Variants in PDE7A observed in about 807,000 individuals in gnomAD.
The protein encoded by PDE7A is high affinity 3',5'-cyclic-AMP phosphodiesterase 7A.
PDE7A carries 39 observed loss-of-function variants against 64.3 expected under a neutral mutation model. The observed-to-expected ratio is 0.61, with a 90% CI of 0.47 to 0.79. The LOEUF is 0.79. Among genes scored for constraint, PDE7A ranks in the 30% least tolerant of loss-of-function variants. The probability of loss-of-function intolerance (pLI) is 0.00; values close to 1 mark genes in which losing one functional copy is unlikely to be tolerated. For missense variants in PDE7A, 470 were observed against 582.8 expected (o/e 0.81, Z 1.99); for synonymous variants, 203 against 206.8 (o/e 0.98, Z 0.16).
chr8:65,783,147 G>C (rs1286765444), intron 1 of PDE7A, among the ~76,000 whole-genome samples: 1 of 152,178 alleles, frequency 6.6e-6, no homozygotes, highest in Non-Finnish European at 1.5e-5. Context: ...TGACATCTGT[G>C]TTGACTCAAA....
At chr8:65,801,613 A>G (rs935966880) in intron 1 of PDE7A, among the ~76,000 whole-genome samples, 1 of 151,972 alleles carries the variant, frequency 6.6e-6, no homozygotes, top group Non-Finnish European at 1.5e-5. Context: ...TAAAAAAAAA[A>G]CAGCTTGAAT....
chr8:65,787,638 T>C (rs1809596120), intron 1 of PDE7A, among the ~76,000 whole-genome samples: 1 of 152,146 alleles, frequency 6.6e-6, no homozygotes, highest in African/African-American at 2.4e-5. Context: ...ATTTAATTTT[T>C]TGGTGGCAAT....
At chr8:65,819,255 G>C (rs1210666374) in intron 1 of PDE7A, among the ~76,000 whole-genome samples, 1 of 152,138 alleles carries the variant, frequency 6.6e-6, no homozygotes, top group Non-Finnish European at 1.5e-5. Flanking sequence ...TAAGTTAGCT[G>C]GGTGTGGTGG....
chr8:65,759,316 T>G (rs75770786), intron 3 of PDE7A, among the ~76,000 whole-genome samples: 5,577 of 152,284 alleles, frequency 0.037, 159 homozygotes, highest in African/African-American at 0.073. Flanking sequence ...CAGATGCCAC[T>G]GGGGGAAACC....
intron 1 of PDE7A, among the ~76,000 whole-genome samples, chr8:65,831,476 C>G (rs1810819763): frequency 6.6e-6 from 1 of 152,156 alleles, no homozygotes; most frequent in Admixed American, 6.5e-5. Flanking sequence ...AACTTTCTCT[C>G]TTCCTTCCAC....
chr8:65,824,136 C>G (rs1435084113), intron 1 of PDE7A, among the ~76,000 whole-genome samples: 1 of 152,194 alleles, frequency 6.6e-6, no homozygotes, highest in African/African-American at 2.4e-5. Context: ...ATTTTCCCAA[C>G]TGCATCTGCT....
chr8:65,745,567 T>C (rs1447101071), intron 4 of PDE7A, 97 bp from the exon 5 acceptor site: 7 of 674,496 alleles, frequency 1.0e-5, no homozygotes, highest in Admixed American at 5.7e-5. Context: ...TGTAAAGTGA[T>C]TGATTTACTT....
intron 3 of PDE7A, among the ~76,000 whole-genome samples, chr8:65,770,117 A>G (rs1187983654): frequency 3.0e-5 from 4 of 133,042 alleles, no homozygotes; most frequent in Non-Finnish European, 1.6e-5. Context: ...CTTGCAGTAT[A>G]CTTCTGTGTG....
At chr8:65,737,413 G>A (rs1807187080) in intron 6 of PDE7A, among the ~76,000 whole-genome samples, 1 of 152,094 alleles carries the variant, frequency 6.6e-6, no homozygotes, top group Non-Finnish European at 1.5e-5. Context: ...TTATAAACTT[G>A]AGAATTTACT....
intron 1 of PDE7A, among the ~76,000 whole-genome samples, chr8:65,811,748 G>A (rs990126893): frequency 5.3e-5 from 8 of 152,256 alleles, no homozygotes; most frequent in African/African-American, 1.9e-4. Context: ...GGGAAGAAGG[G>A]AGTTTTCGAC....
At chr8:65,752,903 C>A (rs1808035061) in intron 3 of PDE7A, among the ~76,000 whole-genome samples, 1 of 152,150 alleles carries the variant, frequency 6.6e-6, no homozygotes, top group Admixed American at 6.5e-5. Context: ...TAAATTCTAT[C>A]TTGTCGCCTT....
At chr8:65,737,246 C>A (rs1807179303) in intron 6 of PDE7A, among the ~76,000 whole-genome samples, 1 of 152,050 alleles carries the variant, frequency 6.6e-6, no homozygotes, top group South Asian at 2.1e-4. Context: ...GGCTTTAAGG[C>A]TTAATTCTCT....
intron 1 of PDE7A, among the ~76,000 whole-genome samples, chr8:65,833,942 C>G (rs1244780009): frequency 6.6e-6 from 1 of 152,066 alleles, no homozygotes; most frequent in East Asian, 1.9e-4. Flanking sequence ...CAGAACAAGA[C>G]CCTGTCTCAA....
chr8:65,841,759 G>C lies in PDE7A; in HGVS notation c.-251C>G, dbSNP rs1811097762. ...CGGCGCGCGCCTCGCTCCAGGCGAGGGGGGACGGGGTGCAAGCGGGGCCAG... is the reference window on the plus strand; with the variant it reads ...CGGCGCGCGCCTCGCTCCAGGCGAGCGGGGACGGGGTGCAAGCGGGGCCAG... On this transcript the variant is annotated 5_prime_UTR_variant, in exon 1 of 13. Transcript: ENST00000401827. 6.5e-6 allele frequency: 1 copy of C among 153,298 alleles called. No individual in the cohort carries two copies. The highest frequency in any genetic ancestry group is 2.4e-5 in the African/African-American group (1 of 41,184). The allele number at this position is 153,298 out of a possible 1,614,324, so 9.5% of individuals were successfully genotyped here. A position where few individuals can be genotyped will look rare whatever the true frequency, so the allele number is the denominator to read the frequency against.
At chr8:65,819,115 G>C (rs1210194623) in intron 1 of PDE7A, among the ~76,000 whole-genome samples, 1 of 152,244 alleles carries the variant, frequency 6.6e-6, no homozygotes, top group African/African-American at 2.4e-5. Flanking sequence ...AGTAATGTAA[G>C]GGTGGGTGTA....
At chr8:65,735,555 C>A (rs1448858716) in intron 6 of PDE7A, among the ~76,000 whole-genome samples, 1 of 152,188 alleles carries the variant, frequency 6.6e-6, no homozygotes, top group Non-Finnish European at 1.5e-5. Context: ...AAGGAGTCCA[C>A]CTGCCTTGGC....
chr8:65,824,561 T>C (rs563559689), intron 1 of PDE7A, among the ~76,000 whole-genome samples: 1 of 152,180 alleles, frequency 6.6e-6, no homozygotes, highest in Non-Finnish European at 1.5e-5. Flanking sequence ...ATGCAGCAAA[T>C]GTCATTGTTA....
intron 1 of PDE7A, among the ~76,000 whole-genome samples, chr8:65,799,245 A>G (rs1344780816): frequency 6.6e-6 from 1 of 152,172 alleles, no homozygotes; most frequent in Non-Finnish European, 1.5e-5. Flanking sequence ...TGAATTTCAG[A>G]AAGAGGAGCA....
intron 7 of PDE7A, among the ~76,000 whole-genome samples, chr8:65,730,762 T>C (rs1189148008): frequency 6.6e-6 from 1 of 151,964 alleles, no homozygotes. Flanking sequence ...ACCCCATCTC[T>C]ACTAAAAACA....
Sources: gnomAD v4.1 joint callset for allele counts (sites outside exome capture counted in the v4.1 genomes callset) on GRCh38, gnomAD v4.1.1 for gene constraint, MANE v1.5 for transcripts, NCBI Gene and HGNC (gene_info 2026-07-23, HGNC 2026-07-21) for gene names.